GPATCH8: variants seen among roughly 807,000 people sequenced by gnomAD.
The protein encoded by GPATCH8 is G patch domain-containing protein 8.
GPATCH8 carries 18 observed loss-of-function variants against 118.3 expected under a neutral mutation model. That is an observed-to-expected ratio of 0.15 (90% CI 0.11 to 0.23). The LOEUF is 0.23. GPATCH8 is among the 10% of genes least tolerant of loss of function. The pLI is 1.00. For missense variants in GPATCH8, 1,631 were observed against 1,873.8 expected (o/e 0.87, Z 2.39); for synonymous variants, 659 against 684.7 (o/e 0.96, Z 0.59).
At position 44,468,759 on chromosome 17, in the gene GPATCH8, T is replaced by C. The variant is rs142975840; in HGVS notation, c.121-4215A>G. 1.9e-3 allele frequency among the ~76,000 whole-genome samples: 288 copies of C among 152,184 alleles called. 2 individuals carry two copies. Among genetic ancestry groups the C allele is most frequent in the African/African-American group, 6.7e-3 (277 of 41,528 alleles). ...TAAAAACTCTGGTTAACAACAAAGA[T>C]ACATGATAGAGGTAGGCTGCTTATA... is the stretch of plus-strand genomic sequence containing the variant. On this transcript the variant is annotated intron_variant, in intron 2 of 7. Coordinates refer to ENST00000591680, the MANE Select transcript of GPATCH8 (RefSeq NM_001002909.4).
At position 44,399,149 on chromosome 17, in the gene GPATCH8, G is replaced by A; in HGVS notation, c.2928C>T (p.Ser976=). 1 of 1,607,598 alleles carries A rather than the reference G, an allele frequency of 6.2e-7. No individual in the cohort carries two copies. Among genetic ancestry groups the A allele is most frequent in the East Asian group, 2.2e-5 (1 of 44,838 alleles). ...SRSRSKRRSR[S]TTAHSWQRSR... ...TCCGTTGCCAGCTGTGGGCTGTGGTGCTACGGCTTCTCCGCTTGCTTCGAC... is the reference window on the plus strand; with the variant it reads ...TCCGTTGCCAGCTGTGGGCTGTGGTACTACGGCTTCTCCGCTTGCTTCGAC... The change falls in exon 8 of 8, where the codon AGC becomes AGT. Residue 976 remains serine (S), a synonymous_variant. Transcript: ENST00000591680.
intron 6 of GPATCH8, among the ~76,000 whole-genome samples, chr17:44,423,472 A>G (rs2049985727): frequency 6.6e-6 from 1 of 152,202 alleles, no homozygotes; most frequent in Non-Finnish European, 1.5e-5. Context: ...TTGGTGGAAG[A>G]TGAAGGCTAA....
At chr17:44,472,353 T>C (rs1415060115) in intron 2 of GPATCH8, among the ~76,000 whole-genome samples, 1 of 152,214 alleles carries the variant, frequency 6.6e-6, no homozygotes, top group Non-Finnish European at 1.5e-5. Context: ...TCTCGCTATA[T>C]GTGGCAGAAA....
intron 7 of GPATCH8, among the ~76,000 whole-genome samples, chr17:44,402,987 T>A (rs192707065): frequency 6.6e-6 from 1 of 152,098 alleles, no homozygotes; most frequent in African/African-American, 2.4e-5. Flanking sequence ...GGCATGATCA[T>A]AGCTCATTGC....
intron 2 of GPATCH8, among the ~76,000 whole-genome samples, chr17:44,466,626 A>C (rs2051775814): frequency 6.6e-6 from 1 of 152,182 alleles, no homozygotes. Flanking sequence ...ATTACCCCCT[A>C]AAACAGAAAA....
At chr17:44,420,013 A>G (rs907506302) in intron 6 of GPATCH8, among the ~76,000 whole-genome samples, 1 of 151,774 alleles carries the variant, frequency 6.6e-6, no homozygotes, top group African/African-American at 2.4e-5. Context: ...AAAAACCAAA[A>G]CCAAAACCAA....
At position 44,397,246 on chromosome 17, in the gene GPATCH8, AGAGG is replaced by A; in HGVS notation, c.*318_*321del. The A allele has an allele frequency of 1.9e-6, 1 of 522,178 alleles. No homozygotes were observed. Among genetic ancestry groups the A allele is most frequent in the Non-Finnish European group, 3.7e-6 (1 of 271,200 alleles). 32.3% of individuals were successfully genotyped at this position (522,178 alleles called of 1,614,324 possible). On this transcript the variant is annotated 3_prime_UTR_variant, in exon 8 of 8. Coordinates refer to ENST00000591680, the MANE Select transcript of GPATCH8 (RefSeq NM_001002909.4). ...GAAGGGAAGAGCAGAGGAAAAAAGC[AGAGG>A]GAGGAGGGGATTATCTAAACTTGAC...
In GPATCH8 at chr17:44,399,154, G is replaced by C; in HGVS notation, c.2923C>G (p.Arg975Gly). Residue 975 changes from arginine to glycine, a missense_variant, in exon 8 of 8, where the codon CGT (arginine) becomes GGT (glycine). Transcript: ENST00000591680. ...CSRSRSKRRSRSTTAHSWQRS... is the reference protein window; with the variant it reads ...CSRSRSKRRSGSTTAHSWQRS... The stretch of plus-strand genomic sequence containing the variant: ...TGCCAGCTGTGGGCTGTGGTGCTAC[G>C]GCTTCTCCGCTTGCTTCGACTACGA... 6.2e-7 allele frequency: 1 copy of C among 1,608,268 alleles called. No homozygotes were observed. Among genetic ancestry groups the C allele is most frequent in the Non-Finnish European group, 8.5e-7 (1 of 1,175,082 alleles).
chr17:44,493,054 G>GTTTGTTTT (rs1555649552), intron 1 of GPATCH8, among the ~76,000 whole-genome samples: 1 of 124,390 alleles, frequency 8.0e-6, no homozygotes, highest in Admixed American at 9.0e-5. Flanking sequence ...AAGCCATTAG[G>GTTTGTTTT]TTTTTTTTTT....
At chr17:44,428,629 C>T (rs2050176266) in intron 5 of GPATCH8, among the ~76,000 whole-genome samples, 1 of 151,624 alleles carries the variant, frequency 6.6e-6, no homozygotes. Context: ...ATGGTGAAAC[C>T]CTGTCTTTAC....
intron 5 of GPATCH8, among the ~76,000 whole-genome samples, chr17:44,426,846 ACACTCTCTCTCT>A (rs1342533795): frequency 2.9e-4 from 42 of 145,842 alleles, no homozygotes; most frequent in East Asian, 8.1e-4. Context: ...ACACACACAC[ACACTCTCTCTCT>A]CTCTCTCTCT....
At chr17:44,435,410 C>CCTT (rs2050465695) in intron 4 of GPATCH8, among the ~76,000 whole-genome samples, 7 of 46,064 alleles carry the variant, frequency 1.5e-4, no homozygotes, top group African/African-American at 8.1e-4. Flanking sequence ...TTCTTTCTTT[C>CCTT]CTTTTTTTTT....
At chr17:44,448,395 GA>G (rs1375251143) in intron 3 of GPATCH8, among the ~76,000 whole-genome samples, 1 of 139,958 alleles carries the variant, frequency 7.1e-6, no homozygotes, top group Non-Finnish European at 1.5e-5. Context: ...CTGTCTCTAT[GA>G]AAAAAATTTA....
intron 6 of GPATCH8, among the ~76,000 whole-genome samples, chr17:44,420,758 G>A (rs575751949): frequency 6.6e-6 from 1 of 152,326 alleles, no homozygotes; most frequent in South Asian, 2.1e-4. Context: ...CATTAATGCT[G>A]TCAATGTGAA....
At position 44,475,872 on chromosome 17, in the gene GPATCH8, T is replaced by A. The variant is rs199878401; in HGVS notation, c.46-969A>T. On this transcript the variant is annotated intron_variant, in intron 1 of 7. Coordinates refer to ENST00000591680, the MANE Select transcript of GPATCH8 (RefSeq NM_001002909.4). ...GAGACCCTGTTTCTACAAAAAAAAA[T>A]TTTTTAATTAGCCACACATTGTGGT... Among the ~76,000 whole-genome samples, 73 of 151,560 alleles carry A rather than the reference T, an allele frequency of 4.8e-4. No individual in the cohort carries two copies. The East Asian group carries it at 8.8e-3, about 18-fold the overall frequency.
rs36110298 is a variant in GPATCH8, at chr17:44,442,108, CATAT to C, written c.194-5567_194-5564del. 8.5e-4 allele frequency among the ~76,000 whole-genome samples: 116 copies of C among 136,504 alleles called. 1 individual carries two copies. The highest frequency in any genetic ancestry group is 7.5e-3 in the Middle Eastern group (2 of 266). 89.6% of individuals were successfully genotyped at this position (136,504 alleles called of 152,430 possible). ...GTGTATATGTATACGTATATATATA[CATAT>C]ATATATATATAGAGAGAGAGAGAGA... On this transcript the variant is annotated intron_variant, in intron 3 of 7. Coordinates refer to ENST00000591680, the MANE Select transcript of GPATCH8 (RefSeq NM_001002909.4).
intron 1 of GPATCH8, among the ~76,000 whole-genome samples, chr17:44,477,941 C>T (rs1967908051): frequency 6.6e-6 from 1 of 151,254 alleles, no homozygotes; most frequent in African/African-American, 2.4e-5. Context: ...TCCGGAGTAG[C>T]TGGGATTACA....
chr17:44,486,478 TAAAA>T (rs557351496), intron 1 of GPATCH8: 4 of 152,266 alleles, frequency 2.6e-5, no homozygotes, highest in African/African-American at 9.6e-5. Context: ...AGGGAGAACT[TAAAA>T]AAAATTTTTT....
intron 2 of GPATCH8, chr17:44,474,587 C>T (rs1386165393): frequency 1.0e-5 from 6 of 593,424 alleles, no homozygotes; most frequent in Non-Finnish European, 1.5e-5. Context: ...TCGGTATGGG[C>T]CAAAAAGATA....
Sources: gnomAD v4.1 joint callset for allele counts (sites outside exome capture counted in the v4.1 genomes callset) on GRCh38, gnomAD v4.1.1 for gene constraint, MANE v1.5 for transcripts, NCBI Gene and HGNC (gene_info 2026-07-23, HGNC 2026-07-21) for gene names.